Variants in MYO15A observed in about 807,000 individuals in gnomAD.
MYO15A encodes myosin XVA.
In MYO15A, 308 loss-of-function variants were observed where a neutral mutation model predicts 394.6. The ratio of observed to expected loss-of-function variants is 0.78; its 90% confidence interval spans 0.71 to 0.86. The LOEUF is 0.86. Among genes scored for constraint, MYO15A ranks in the 40% least tolerant of loss-of-function variants. The pLI is 0.00. For missense variants in MYO15A, 4,606 were observed against 4,799.1 expected (o/e 0.96, Z 1.19); for synonymous variants, 1,957 against 2,003.8 (o/e 0.98, Z 0.62).
At position 18,118,821 on chromosome 17, in the gene MYO15A, G is replaced by C. The variant is rs750512324; in HGVS notation, c.21G>C (p.Glu7Asp). MAKEED[E>D]EKKAKKGKKG... ...CCACCATGGCGAAGGAGGAAGATGA[G>C]GAGAAGAAAGCCAAGAAAGGGAAGA... The change falls in exon 2 of 66, where the codon GAG (glutamate) becomes GAC (aspartate). Residue 7 changes from glutamate (E) to aspartate (D), a missense_variant. Coordinates refer to ENST00000647165, the MANE Select transcript of MYO15A (RefSeq NM_016239.4). 2 of 1,609,330 alleles carry C rather than the reference G, an allele frequency of 1.2e-6. No individual in the cohort carries two copies. Among genetic ancestry groups the C allele is most frequent in the Non-Finnish European group, 1.7e-6 (2 of 1,177,854 alleles).
At position 18,155,413 on chromosome 17, in the gene MYO15A, C is replaced by T. The variant is rs552866559; in HGVS notation, c.8440C>T (p.Arg2814Trp). The T allele has an allele frequency of 8.1e-6, 13 of 1,613,328 alleles. No homozygotes were observed. The highest frequency in any genetic ancestry group is 1.7e-4 in the Middle Eastern group (1 of 6,038). ...KGGQEAGGQLRVLRAYSFADI... is the reference protein window; with the variant it reads ...KGGQEAGGQLWVLRAYSFADI... Reference sequence around the variant, plus strand: ...TGGCCAGGAGGCCGGCGGGCAGCTGCGGGTCCTGCGTGCATACAGGTGACC... The same window carrying T: ...TGGCCAGGAGGCCGGCGGGCAGCTGTGGGTCCTGCGTGCATACAGGTGACC... The change falls in exon 47 of 66, where the codon CGG becomes TGG. Residue 2814 changes from arginine (R) to tryptophan (W), a missense_variant. Physicochemically the swap from Arg to Trp is moderately radical, Grantham distance 101 (BLOSUM62 -3). This residue lies in a region of MYO15A where 2,776 missense variants were observed against 3,109.3 expected (regional missense o/e 0.89). Transcript: ENST00000647165.
At position 18,132,466 on chromosome 17, in the gene MYO15A, G is replaced by T; in HGVS notation, c.4220G>T (p.Arg1407Met). 6.2e-7 allele frequency: 1 copy of T among 1,613,986 alleles called. No individual in the cohort carries two copies. The highest frequency in any genetic ancestry group is 8.5e-7 in the Non-Finnish European group (1 of 1,180,030). The stretch of plus-strand genomic sequence containing the variant: ...CCCACTCTACAGGCCAAAAACGAGA[G>T]GAATTACCACATCTTCTACGAGTTG... ...SRIVFQAKNE[R>M]NYHIFYELLA... Residue 1407 changes from arginine to methionine, a missense_variant, in exon 11 of 66, where the codon AGG becomes ATG. Physicochemically the swap from Arg to Met is moderately conservative, Grantham distance 91. Around this residue, in one of 2 missense-constraint regions of MYO15A, gnomAD observed 2,776 missense variants for 3,109.3 expected, o/e 0.89. Transcript: ENST00000647165. The surrounding 1 kb of genome is among the most constrained non-coding windows in gnomAD (Gnocchi z 4.6).
chr17:18,171,984 C>T (rs2046948524), intron 63 of MYO15A, among the ~76,000 whole-genome samples, 173 bp from the exon 64 acceptor site: 1 of 152,114 alleles, frequency 6.6e-6, no homozygotes, highest in Non-Finnish European at 1.5e-5. Context: ...GAGCTGCAAG[C>T]AGGGATAGAG....
intron 2 of MYO15A, 186 bp downstream of exon 2, chr17:18,122,595 G>T (rs1342940154): frequency 1.1e-6 from 1 of 876,198 alleles, no homozygotes; most frequent in Non-Finnish European, 1.7e-6. Context: ...TGAACAAGGG[G>T]ATGCCCAGCA....
At position 18,119,445 on chromosome 17, in the gene MYO15A, T is replaced by A. The variant is rs1416794804; in HGVS notation, c.645T>A (p.His215Gln). Residue 215 changes from histidine to glutamine, a missense_variant, in exon 2 of 66, where the codon CAT (histidine) becomes CAA (glutamine). Transcript: ENST00000647165. ...FLPFEDEAPF[H>Q]HSGSRKSLYG... Reference sequence around the variant, plus strand: ...CCTTCGAGGACGAGGCCCCATTCCATCACTCGGGCTCCCGCAAGTCGCTGT... The same window carrying A: ...CCTTCGAGGACGAGGCCCCATTCCAACACTCGGGCTCCCGCAAGTCGCTGT... 6.2e-7 allele frequency: 1 copy of A among 1,612,354 alleles called. No homozygotes were observed. The highest frequency in any genetic ancestry group is 1.3e-5 in the African/African-American group (1 of 74,854).
At chr17:18,133,465 C>T in intron 12 of MYO15A, 79 bp downstream of exon 12, 2 of 1,566,862 alleles carry the variant, frequency 1.3e-6, no homozygotes, top group East Asian at 4.5e-5. Flanking sequence ...CTCTGTTTCC[C>T]TTTCAGATTA....
In MYO15A at chr17:18,166,444, C is replaced by T; in HGVS notation, c.9871C>T (p.Leu3291Phe). The change falls in exon 61 of 66, where the codon CTC (leucine) becomes TTC (phenylalanine). Residue 3291 changes from leucine (L) to phenylalanine (F), a missense_variant. Transcript: ENST00000647165. The part of the protein sequence containing the change: ...EMEQVDGGYM[L>F]WFRRVLWDQP... ...GGAGCAGGTGGACGGCGGCTACATG[C>T]TCTGGTTCCGGCGTGTGCTCTGGGA... 1.2e-6 allele frequency: 2 copies of T among 1,614,094 alleles called. No homozygotes were observed. The highest frequency in any genetic ancestry group is 1.6e-4 in the Middle Eastern group (1 of 6,062).
intron 13 of MYO15A, 151 bp from the exon 14 acceptor site, chr17:18,136,266 G>A (rs1410494373): frequency 3.2e-6 from 3 of 939,682 alleles, no homozygotes; most frequent in Admixed American, 4.0e-5. Context: ...TCAGAGTGGG[G>A]GCAGGGGTGG....
intron 62 of MYO15A, among the ~76,000 whole-genome samples, chr17:18,170,702 T>G (rs1366787256): frequency 6.6e-6 from 1 of 152,000 alleles, no homozygotes; most frequent in Non-Finnish European, 1.5e-5. Flanking sequence ...TAATTTTAAG[T>G]GAAAAGAGCA....
rs2045840342 is a variant in MYO15A at position 18,119,018 on chromosome 17, A to G, written c.218A>G (p.Lys73Arg). The change falls in exon 2 of 66, where the codon AAG becomes AGG. Residue 73 changes from lysine (K) to arginine (R), a missense_variant. Physicochemically the swap from Lys to Arg is conservative, Grantham distance 26. Transcript: ENST00000647165. ...LHTGPQKTKR[K>R]RKARTVLKST... ...ACCGGCCCCCAGAAGACCAAGCGCA[A>G]GAGGAAGGCCCGCACCGTGCTCAAG... 5.0e-6 allele frequency: 8 copies of G among 1,612,670 alleles called. No homozygotes were observed. The highest frequency in any genetic ancestry group is 1.3e-5 in the African/African-American group (1 of 75,050).
intron 64 of MYO15A, 84 bp from the exon 65 acceptor site, chr17:18,173,697 G>A (rs762093015): frequency 1.1e-4 from 168 of 1,582,832 alleles, no homozygotes; most frequent in Non-Finnish European, 1.4e-4. Context: ...GCCTCCTACA[G>A]ATCTGATTTG....
intron 62 of MYO15A, among the ~76,000 whole-genome samples, chr17:18,167,926 C>A (rs751966524): frequency 2.7e-4 from 41 of 152,336 alleles, no homozygotes; most frequent in African/African-American, 8.4e-4. Flanking sequence ...GCCTCTCTTT[C>A]GCAAGTTGCT....
intron 2 of MYO15A, 60 bp from the exon 3 acceptor site, chr17:18,124,423 G>C (rs997151951): frequency 3.8e-6 from 6 of 1,564,586 alleles, no homozygotes; most frequent in Non-Finnish European, 4.3e-6. Context: ...CCAAGCCAGG[G>C]GTCAGTGGGG....
At position 18,118,759 on chromosome 17, in the gene MYO15A, C is replaced by T. The variant is rs781059921; in HGVS notation, c.-42C>T. ...CCCTGTGTCTCCAAGTCCCTGAGCC[C>T]GTGACACCGGCCCCAGGCCCTGTAG... is the stretch of plus-strand genomic sequence containing the variant. On this transcript the variant is annotated 5_prime_UTR_variant, in exon 2 of 66. Transcript: ENST00000647165. 1.9e-6 allele frequency: 3 copies of T among 1,607,200 alleles called. No individual in the cohort carries two copies. The African/African-American group carries it at 4.0e-5, about 21-fold the overall frequency.
intron 29 of MYO15A, among the ~76,000 whole-genome samples, chr17:18,145,661 G>C (rs536488450): frequency 9.7e-4 from 148 of 152,286 alleles, no homozygotes; most frequent in African/African-American, 3.4e-3. Flanking sequence ...GCTGCAGTGA[G>C]CTGAGATCCC....
chr17:18,133,940 G>A (rs895832069), intron 12 of MYO15A, among the ~76,000 whole-genome samples: 3 of 152,118 alleles, frequency 2.0e-5, no homozygotes, highest in East Asian at 1.9e-4. Context: ...TTATAGGCAT[G>A]AGCCACCGCG....
intron 1 of MYO15A, among the ~76,000 whole-genome samples, chr17:18,113,417 C>T (rs543407837): frequency 6.6e-6 from 1 of 152,296 alleles, no homozygotes; most frequent in African/African-American, 2.4e-5. Context: ...CAGGCATGAG[C>T]CACTGCTCCT....
chr17:18,152,231 G>T, intron 42 of MYO15A, 47 bp downstream of exon 42: 1 of 1,524,396 alleles, frequency 6.6e-7, no homozygotes, highest in South Asian at 1.2e-5. Flanking sequence ...AAGTATATGA[G>T]GAAGTCTGTG....
Position 18,120,376 on chromosome 17 carries a change from C to A in MYO15A, c.1576C>A (p.Pro526Thr). Residue 526 changes from proline to threonine, a missense_variant, in exon 2 of 66, where the codon CCC (proline) becomes ACC (threonine). By Grantham distance (38) the Pro-to-Thr change is conservative. Around this residue, in one of 2 missense-constraint regions of MYO15A, gnomAD observed 1,830 missense variants for 1,689.7 expected, o/e 1.08. Transcript: ENST00000647165. ...EEELPPVSAVPYGHPFWGFLT... is the reference protein window; with the variant it reads ...EEELPPVSAVTYGHPFWGFLT... ...GGAGCTGCCCCCGGTTTCCGCTGTG[C>A]CCTACGGCCACCCTTTCTGGGGCTT... The A allele has an allele frequency of 6.2e-7, 1 of 1,611,616 alleles. No individual in the cohort carries two copies. The highest frequency in any genetic ancestry group is 8.5e-7 in the Non-Finnish European group (1 of 1,179,852).
Sources: allele counts gnomAD v4.1 joint callset (sites outside exome capture counted in the v4.1 genomes callset), GRCh38; gene constraint gnomAD v4.1.1; regional missense constraint gnomAD v4.1.1; non-coding constraint Gnocchi (gnomAD v3.1); transcripts MANE v1.5; gene names NCBI Gene and HGNC (gene_info 2026-07-23, HGNC 2026-07-21).